The following MAP3K5 variants were observed in gnomAD, a reference collection of about 807,000 sequenced individuals.
MAP3K5 encodes mitogen-activated protein kinase kinase kinase 5.
In MAP3K5, 56 loss-of-function variants were observed where a neutral mutation model predicts 158.7. The observed-to-expected ratio is 0.35, with a 90% CI of 0.28 to 0.44. The LOEUF (loss-of-function observed/expected upper bound fraction) is 0.44, where lower values mean the gene tolerates loss of function less well. Among genes scored for constraint, MAP3K5 ranks in the 20% least tolerant of loss-of-function variants. The pLI is 1.00. For missense variants in MAP3K5, 1,294 were observed against 1,674.8 expected (o/e 0.77, Z 3.97); for synonymous variants, 579 against 601.7 (o/e 0.96, Z 0.55).
At chr6:136,700,765 G>A (rs953080578) in intron 3 of MAP3K5, among the ~76,000 whole-genome samples, 2 of 152,084 alleles carry the variant, frequency 1.3e-5, no homozygotes. Flanking sequence ...GAGAATTATT[G>A]GATATGGTAG....
intron 12 of MAP3K5, among the ~76,000 whole-genome samples, chr6:136,642,254 TG>T (rs1462029713): frequency 6.6e-6 from 1 of 152,040 alleles, no homozygotes; most frequent in African/African-American, 2.4e-5. Flanking sequence ...ATCTACATTT[TG>T]ATTCTGGTCC....
chr6:136,755,841 T>G lies in MAP3K5; in HGVS notation c.449-35252A>C, dbSNP rs79395439. Among the ~76,000 whole-genome samples, 342 of 151,740 alleles carry G rather than the reference T, an allele frequency of 2.3e-3. 8 individuals are homozygous for G. In the South Asian group the frequency reaches 0.036, roughly 16 times the overall value. On this transcript the variant is annotated intron_variant, in intron 1 of 29. Coordinates refer to ENST00000359015, the MANE Select transcript of MAP3K5 (RefSeq NM_005923.4). ...GGCACTCATTAGATGAACAGATGAA[T>G]AAGAAGCAAGGAGTCAAAGATGACA...
chr6:136,791,262 C>T (rs1785061660), intron 1 of MAP3K5, among the ~76,000 whole-genome samples: 1 of 152,152 alleles, frequency 6.6e-6, no homozygotes, highest in African/African-American at 2.4e-5. Context: ...ACTCTGCGTG[C>T]ATGGTATGTC....
chr6:136,753,494 A>T (rs1465963076), intron 1 of MAP3K5, among the ~76,000 whole-genome samples: 1 of 151,828 alleles, frequency 6.6e-6, no homozygotes, highest in African/African-American at 2.4e-5. Context: ...CACCACAGAT[A>T]GTATTTTTTT....
intron 28 of MAP3K5, among the ~76,000 whole-genome samples, chr6:136,559,353 AAAAAACAAAAACAAAAAC>A (rs147599173): frequency 8.0e-6 from 1 of 125,168 alleles, no homozygotes; most frequent in Admixed American, 8.6e-5. Context: ...CTCCGTCTCA[AAAAAACAAAAACAAAAAC>A]AAAAACAAAA....
In MAP3K5 at chr6:136,768,249, T is replaced by C. The variant is rs116011133; in HGVS notation, c.448+23461A>G. Among the ~76,000 whole-genome samples, 1,252 of 152,250 alleles carry C rather than the reference T, an allele frequency of 8.2e-3. 19 individuals are homozygous for C. The highest frequency in any genetic ancestry group is 0.027 in the African/African-American group (1,136 of 41,524). On this transcript the variant is annotated intron_variant, in intron 1 of 29. Transcript: ENST00000359015. ...AAAACATTTTGTGCTTCAAAAGACA[T>C]TATCAAGAAAATGAAAAACAACCCA...
chr6:136,559,760 G>A (rs899096090), intron 28 of MAP3K5, among the ~76,000 whole-genome samples: 1 of 151,922 alleles, frequency 6.6e-6, no homozygotes, highest in Admixed American at 6.6e-5. Flanking sequence ...TCTCCAACAC[G>A]TGGCCTCAAG....
chr6:136,634,994 C>G (rs1221560783), intron 14 of MAP3K5, among the ~76,000 whole-genome samples: 1 of 151,582 alleles, frequency 6.6e-6, no homozygotes, highest in African/African-American at 2.4e-5. Flanking sequence ...AAGTGATTCT[C>G]CTGCCTCAGC....
At chr6:136,746,362 ACCTGTAAT>A (rs1782959990) in intron 1 of MAP3K5, among the ~76,000 whole-genome samples, 1 of 152,190 alleles carries the variant, frequency 6.6e-6, no homozygotes. Context: ...AGATAATCTT[ACCTGTAAT>A]AACATGATGT....
intron 1 of MAP3K5, among the ~76,000 whole-genome samples, chr6:136,742,036 G>C (rs563981180): frequency 6.6e-6 from 1 of 152,270 alleles, no homozygotes; most frequent in African/African-American, 2.4e-5. Flanking sequence ...TTCATAGATA[G>C]GAAGACTCAA....
intron 19 of MAP3K5, among the ~76,000 whole-genome samples, 158 bp downstream of exon 19, chr6:136,605,051 C>T (rs1359382498): frequency 6.6e-6 from 1 of 152,188 alleles, no homozygotes; most frequent in Admixed American, 6.5e-5. Flanking sequence ...GGCACCAGCG[C>T]TGGTTCTAAC....
intron 2 of MAP3K5, among the ~76,000 whole-genome samples, chr6:136,710,770 G>A (rs1177598284): frequency 1.3e-5 from 2 of 152,152 alleles, no homozygotes; most frequent in African/African-American, 2.4e-5. Context: ...CAGGCTTGGA[G>A]TTCTTGCCCA....
rs139933530 is a variant in MAP3K5, at chr6:136,705,941, G to A, written c.589-808C>T. Among the ~76,000 whole-genome samples, 22 of 152,268 alleles carry A rather than the reference G, an allele frequency of 1.4e-4. No homozygotes were observed. In the East Asian group the frequency reaches 2.7e-3, roughly 19 times the overall value. ...ATCTGACAAAAAATAGTCATAATTTGTGTGTTTTTCATTGAGAAATATAAT... is the reference window on the plus strand; with the variant it reads ...ATCTGACAAAAAATAGTCATAATTTATGTGTTTTTCATTGAGAAATATAAT... On this transcript the variant is annotated intron_variant, in intron 2 of 29. Transcript: ENST00000359015.
At chr6:136,579,810 A>T (rs1314389359) in intron 25 of MAP3K5, 3 of 446,696 alleles carry the variant, frequency 6.7e-6, no homozygotes, top group South Asian at 3.1e-5. Flanking sequence ...ACTAGTCTTT[A>T]AAAAAAAATC....
chr6:136,668,131 C>T (rs1779308497), intron 8 of MAP3K5, among the ~76,000 whole-genome samples: 1 of 151,666 alleles, frequency 6.6e-6, no homozygotes, highest in Non-Finnish European at 1.5e-5. Flanking sequence ...ACCTGTAATA[C>T]CAGTACTTTG....
rs142481810 is a variant in MAP3K5 at position 136,570,961 on chromosome 6, G to C, written c.3518-3087C>G. Among the ~76,000 whole-genome samples, 738 of 152,308 alleles carry C rather than the reference G, an allele frequency of 4.8e-3. 5 individuals carry two copies. The highest frequency in any genetic ancestry group is 0.017 in the African/African-American group (707 of 41,572). On this transcript the variant is annotated intron_variant, in intron 25 of 29. Transcript: ENST00000359015. Reference sequence around the variant, plus strand: ...AAACCTGACCTTCAAACCAAGGACAGTTTAAAGCCTGAGAAGCAAGCTGCC... The same window carrying C: ...AAACCTGACCTTCAAACCAAGGACACTTTAAAGCCTGAGAAGCAAGCTGCC...
At chr6:136,580,169 T>C (rs1026794388) in intron 25 of MAP3K5, 132 bp downstream of exon 25, 11 of 614,224 alleles carry the variant, frequency 1.8e-5, no homozygotes, top group African/African-American at 1.7e-4. Context: ...TATTTGGTGA[T>C]GTTGAAAATA....
At chr6:136,618,562 G>A (rs2129094223) in intron 15 of MAP3K5, among the ~76,000 whole-genome samples, 1 of 152,358 alleles carries the variant, frequency 6.6e-6, no homozygotes, top group South Asian at 2.1e-4. Context: ...GAGTAGAGAA[G>A]AGAGGAGCTG....
At chr6:136,694,419 A>C in intron 6 of MAP3K5, 109 bp from the exon 7 acceptor site, 1 of 908,522 alleles carries the variant, frequency 1.1e-6, no homozygotes, top group Non-Finnish European at 1.6e-6. Context: ...GAAATTTGCC[A>C]GGACAGAAAC....
Sources: allele counts gnomAD v4.1 joint callset (sites outside exome capture counted in the v4.1 genomes callset), GRCh38; gene constraint gnomAD v4.1.1; transcripts MANE v1.5; gene names NCBI Gene and HGNC (gene_info 2026-07-23, HGNC 2026-07-21).